IGSF11: variants seen among roughly 807,000 people sequenced by gnomAD.
IGSF11 encodes the protein CXADR like 1.
A neutral mutation model predicts 41.0 loss-of-function variants in IGSF11; 22 were observed. The ratio of observed to expected loss-of-function variants is 0.54; its 90% CI spans 0.38 to 0.77. The LOEUF (loss-of-function observed/expected upper bound fraction) is 0.77. IGSF11 is among the 30% of genes least tolerant of loss of function. The probability of loss-of-function intolerance (pLI) is 0.00; values close to 1 mark genes in which losing one functional copy is unlikely to be tolerated. For synonymous variants in IGSF11, 219 were observed against 201.3 expected, an observed-to-expected ratio of 1.09 and a Z score of -0.74; for missense variants, 444 against 530.8, an observed-to-expected ratio of 0.84 and a Z score of 1.61.
intron 1 of IGSF11, among the ~76,000 whole-genome samples, chr3:119,046,832 G>A (rs1213816330): frequency 6.7e-6 from 1 of 149,442 alleles, no homozygotes; most frequent in Non-Finnish European, 1.5e-5. Context: ...AGAGAGTGGG[G>A]GCCAATATTC....
chr3:119,113,255 G>A (rs963366711), intron 1 of IGSF11, among the ~76,000 whole-genome samples: 2 of 152,036 alleles, frequency 1.3e-5, no homozygotes, highest in African/African-American at 2.4e-5. Flanking sequence ...CTTCCCAATA[G>A]TCCCCCAAAG....
rs181343773 is a variant in IGSF11, at chr3:119,054,296, C to T, written c.49+50848G>A. On this transcript the variant is annotated intron_variant, in intron 1 of 6. Transcript: ENST00000354673. ...CACAAACTATGTATCCAACAAAGAA[C>T]TAATATCTAGAATCTACAAGGAATT... is the stretch of plus-strand genomic sequence containing the variant. 1.1e-4 allele frequency among the ~76,000 whole-genome samples: 17 copies of T among 152,118 alleles called. No individual in the cohort carries two copies. In the East Asian group the frequency reaches 1.5e-3, roughly 14 times the overall value.
At chr3:119,072,255 C>T (rs901975274) in intron 1 of IGSF11, among the ~76,000 whole-genome samples, 1 of 152,144 alleles carries the variant, frequency 6.6e-6, no homozygotes, top group Non-Finnish European at 1.5e-5. Flanking sequence ...ACAAATAAGC[C>T]TTTTTAAAAA....
chr3:119,067,796 G>A lies in IGSF11; in HGVS notation c.49+37348C>T, dbSNP rs1393037048. Reference sequence around the variant, plus strand: ...CAATCCATGCCTAGAACAGGCAAAAGCCCCAGAGGGAGGCATTTGTTCATT... The same window carrying A: ...CAATCCATGCCTAGAACAGGCAAAAACCCCAGAGGGAGGCATTTGTTCATT... On this transcript the variant is annotated intron_variant, in intron 1 of 6. Coordinates refer to the IGSF11 transcript ENST00000354673. Among the ~76,000 whole-genome samples the A allele has an allele frequency of 4.6e-5, 7 of 152,168 alleles. No individual in the cohort carries two copies. The South Asian group carries it at 1.2e-3, about 27-fold the overall frequency.
intron 1 of IGSF11, among the ~76,000 whole-genome samples, chr3:118,989,247 C>T (rs1395290486): frequency 6.6e-6 from 1 of 152,162 alleles, no homozygotes; most frequent in Non-Finnish European, 1.5e-5. Flanking sequence ...GCAATGCTAC[C>T]CAAAATGTGG....
chr3:119,034,425 G>A lies in IGSF11; in HGVS notation c.52+106C>T, dbSNP rs1576704062. On this transcript the variant is annotated intron_variant, in intron 1 of 6. Transcript: ENST00000393775. ...CCGCCCCTGAGAAAGTTGGACTCCCGACCCTCGGCAAAGCAAGGAGGCTCT... is the reference window on the plus strand; with the variant it reads ...CCGCCCCTGAGAAAGTTGGACTCCCAACCCTCGGCAAAGCAAGGAGGCTCT... The A allele has an allele frequency of 1.0e-5, 12 of 1,143,892 alleles. No individual in the cohort carries two copies. In the East Asian group the frequency reaches 2.2e-4, roughly 21 times the overall value. The allele number at this position is 1,143,892 out of a possible 1,614,324, so 70.9% of individuals were successfully genotyped here.
At chr3:118,912,213 C>CT (rs1940412191) in intron 4 of IGSF11, among the ~76,000 whole-genome samples, 1 of 152,228 alleles carries the variant, frequency 6.6e-6, no homozygotes, top group Non-Finnish European at 1.5e-5. Flanking sequence ...TTATTCTCCC[C>CT]TTTAAGTCAG....
chr3:119,078,381 A>G (rs2076535723), intron 1 of IGSF11, among the ~76,000 whole-genome samples: 1 of 152,210 alleles, frequency 6.6e-6, no homozygotes, highest in Admixed American at 6.5e-5. Flanking sequence ...ACCATTACCA[A>G]TGGGACAGGT....
intron 1 of IGSF11, among the ~76,000 whole-genome samples, chr3:119,135,043 C>A (rs1342727265): frequency 6.6e-6 from 1 of 152,274 alleles, no homozygotes. Flanking sequence ...CTTCCTTACA[C>A]CTTACAGAAA....
At chr3:118,996,164 C>A (rs963336248) in intron 1 of IGSF11, among the ~76,000 whole-genome samples, 8 of 152,202 alleles carry the variant, frequency 5.3e-5, no homozygotes, top group African/African-American at 1.4e-4. Flanking sequence ...TCTAAAGATA[C>A]TTCAAACTTA....
chr3:118,937,841 G>A (rs1361836602), intron 1 of IGSF11, among the ~76,000 whole-genome samples: 2 of 152,012 alleles, frequency 1.3e-5, no homozygotes, highest in Non-Finnish European at 2.9e-5. Flanking sequence ...TATTTCTATG[G>A]TACTACAGTT....
At position 118,910,996 on chromosome 3, in the gene IGSF11, T is replaced by G. The variant is rs139609906; in HGVS notation, c.581-5278A>C. Among the ~76,000 whole-genome samples the G allele has an allele frequency of 7.3e-4, 111 of 152,258 alleles. 1 individual carries two copies. Among genetic ancestry groups the G allele is most frequent in the African/African-American group, 2.6e-3 (109 of 41,570 alleles). ...ACATGTAGTGCTATGATTTTCTCTT[T>G]ATATCTGTCTCCTCCATTAGGCAGT... On this transcript the variant is annotated intron_variant, in intron 4 of 6. Coordinates refer to ENST00000393775, the MANE Select transcript of IGSF11 (RefSeq NM_001015887.3).
At chr3:118,910,485 G>GGAA (rs1940139276) in intron 4 of IGSF11, among the ~76,000 whole-genome samples, 3 of 152,152 alleles carry the variant, frequency 2.0e-5, no homozygotes, top group Non-Finnish European at 4.4e-5. Flanking sequence ...ACTTAGTTCA[G>GGAA]GTCCTTGTCA....
intron 1 of IGSF11, among the ~76,000 whole-genome samples, chr3:119,123,110 A>G (rs2077355220): frequency 6.6e-6 from 1 of 152,144 alleles, no homozygotes; most frequent in Non-Finnish European, 1.5e-5. Context: ...GCCAGAGGGA[A>G]GCCCACTACT....
intron 1 of IGSF11, among the ~76,000 whole-genome samples, chr3:118,934,996 T>A: frequency 6.6e-6 from 1 of 152,086 alleles, no homozygotes; most frequent in African/African-American, 2.4e-5. Flanking sequence ...TCATTTACAA[T>A]AGCTCAAGTG....
chr3:119,107,101 T>C (rs1271268454), upstream of IGSF11, among the ~76,000 whole-genome samples: 2 of 152,266 alleles, frequency 1.3e-5, no homozygotes, highest in African/African-American at 2.4e-5. Context: ...GGGTATATAC[T>C]CAGTAATGGG....
At chr3:118,904,553 A>G in intron 6 of IGSF11, 95 bp downstream of exon 6, 1 of 887,664 alleles carries the variant, frequency 1.1e-6, no homozygotes, top group East Asian at 2.5e-5. Flanking sequence ...CGGCCATCAG[A>G]GTTTTATGAT....
At chr3:119,073,536 G>A (rs112163292) in intron 1 of IGSF11, among the ~76,000 whole-genome samples, 2,051 of 152,296 alleles carry the variant, frequency 0.013, 47 homozygotes, top group African/African-American at 0.046. Context: ...TGCAGGTCCC[G>A]ATCCCTGCCC....
chr3:119,054,665 C>A (rs971911248), intron 1 of IGSF11, among the ~76,000 whole-genome samples: 2 of 152,164 alleles, frequency 1.3e-5, no homozygotes, highest in Non-Finnish European at 2.9e-5. Flanking sequence ...TTTGATGCAG[C>A]AATCCTACTA....
Sources: allele counts gnomAD v4.1 joint callset (sites outside exome capture counted in the v4.1 genomes callset), GRCh38; gene constraint gnomAD v4.1.1; transcripts MANE v1.5; gene names NCBI Gene and HGNC (gene_info 2026-07-23, HGNC 2026-07-21).